The following INTS12 variants were observed in gnomAD, a reference collection of about 807,000 sequenced individuals.
INTS12 encodes the protein integrator complex subunit 12.
INTS12 carries 13 observed loss-of-function variants against 41.6 expected under a neutral mutation model. That is an observed-to-expected ratio of 0.31 (90% CI 0.20 to 0.50). The LOEUF (loss-of-function observed/expected upper bound fraction) is 0.50. INTS12 is among the 20% of genes least tolerant of loss of function. The pLI is 0.98. For synonymous variants in INTS12, 199 were observed against 191.4 expected (o/e 1.04, Z -0.33); for missense variants, 432 against 541.6 (o/e 0.80, Z 2.01).
Position 105,682,714 on chromosome 4 carries a change from A to G in INTS12, c.*19T>C. 2 of 1,595,184 alleles carry G rather than the reference A, an allele frequency of 1.3e-6. No individual in the cohort carries two copies. Among genetic ancestry groups the G allele is most frequent in the Non-Finnish European group, 1.7e-6 (2 of 1,164,252 alleles). ...TTTCATCTTTAGGCTAATATGATAC[A>G]AAAACCTACTTGGCCACATTACTTC... On this transcript the variant is annotated 3_prime_UTR_variant, in exon 8 of 8. Coordinates refer to ENST00000340139, the MANE Select transcript of INTS12 (RefSeq NM_020395.4).
intron 3 of INTS12, among the ~76,000 whole-genome samples, chr4:105,697,991 A>C (rs748564001): frequency 3.7e-4 from 57 of 152,216 alleles, no homozygotes; most frequent in Non-Finnish European, 3.8e-4. Context: ...GAGAGAGCGC[A>C]GTGAGCCAAG....
At chr4:105,686,424 T>C (rs188322281) in intron 7 of INTS12, among the ~76,000 whole-genome samples, 150 of 152,270 alleles carry the variant, frequency 9.9e-4, no homozygotes, top group Admixed American at 1.6e-3. Flanking sequence ...AAGACAAATA[T>C]CTAACCAGAT....
At chr4:105,693,131 C>T (rs776138720) in intron 5 of INTS12, among the ~76,000 whole-genome samples, 168 bp downstream of exon 5, 1 of 152,158 alleles carries the variant, frequency 6.6e-6, no homozygotes, top group Non-Finnish European at 1.5e-5. Context: ...TTTCAATATG[C>T]TAAATTGTTA....
At chr4:105,708,059 A>C in intron 1 of INTS12, 3 of 985,430 alleles carry the variant, frequency 3.0e-6, no homozygotes, top group Non-Finnish European at 3.6e-6. Context: ...ATGACTTCGC[A>C]AGCTCTTGCA....
intron 7 of INTS12, among the ~76,000 whole-genome samples, chr4:105,683,705 T>C (rs1264906039): frequency 1.3e-5 from 2 of 152,114 alleles, no homozygotes; most frequent in African/African-American, 4.8e-5. Flanking sequence ...TAACTAGGGA[T>C]CATTTCAAAA....
In INTS12 at chr4:105,682,724, T is replaced by C; in HGVS notation, c.*9A>G. On this transcript the variant is annotated 3_prime_UTR_variant, in exon 8 of 8. Coordinates refer to ENST00000340139, the MANE Select transcript of INTS12 (RefSeq NM_020395.4). ...AGGCTAATATGATACAAAAACCTAC[T>C]TGGCCACATTACTTCTTGAGTTTCT... The C allele has an allele frequency of 3.1e-6, 5 of 1,607,718 alleles. No individual in the cohort carries two copies. The Admixed American group carries it at 6.7e-5, about 22-fold the overall frequency.
At chr4:105,696,619 T>C (rs1039651831) in intron 3 of INTS12, among the ~76,000 whole-genome samples, 4 of 152,192 alleles carry the variant, frequency 2.6e-5, no homozygotes, top group Non-Finnish European at 5.9e-5. Flanking sequence ...TTGATGGATA[T>C]TTGGGTTGTC....
intron 6 of INTS12, among the ~76,000 whole-genome samples, chr4:105,688,657 C>G (rs1731575756): frequency 6.6e-6 from 1 of 152,162 alleles, no homozygotes; most frequent in South Asian, 2.1e-4. Context: ...ACATATGGCT[C>G]CAAAACCATG....
At chr4:105,695,714 C>G in intron 3 of INTS12, 46 bp from the exon 4 acceptor site, 1 of 1,436,138 alleles carries the variant, frequency 7.0e-7, no homozygotes, top group South Asian at 1.3e-5. Context: ...TTAGACTGAT[C>G]ATCATAAAAA....
In INTS12 at chr4:105,707,059, C is replaced by A. The variant is rs544835642; in HGVS notation, c.-172+1579G>T. 3.3e-5 allele frequency among the ~76,000 whole-genome samples: 5 copies of A among 152,238 alleles called. No homozygotes were observed. The South Asian group carries it at 8.3e-4, about 25-fold the overall frequency. On this transcript the variant is annotated intron_variant, in intron 1 of 7. Coordinates refer to ENST00000340139, the MANE Select transcript of INTS12 (RefSeq NM_020395.4). ...GCATTTAAGAAGATTCAGTAACTGG[C>A]ACAAAAATTATCATTCATCATCCCC... is the stretch of plus-strand genomic sequence containing the variant.
chr4:105,697,645 G>T (rs369141401), intron 3 of INTS12, among the ~76,000 whole-genome samples: 2 of 152,108 alleles, frequency 1.3e-5, no homozygotes, highest in African/African-American at 4.8e-5. Flanking sequence ...GAGACCATCT[G>T]GCACACAAAA....
At chr4:105,687,850 G>A (rs1731549766) in intron 6 of INTS12, among the ~76,000 whole-genome samples, 1 of 152,152 alleles carries the variant, frequency 6.6e-6, no homozygotes, top group Admixed American at 6.5e-5. Flanking sequence ...CTACTCAGGA[G>A]GTTGAGGCAG....
intron 1 of INTS12, chr4:105,707,863 G>T: frequency 1.6e-6 from 1 of 627,236 alleles, no homozygotes; most frequent in Non-Finnish European, 2.0e-6. Context: ...TCTAAATTGG[G>T]CATTCATATA....
intron 3 of INTS12, among the ~76,000 whole-genome samples, chr4:105,696,268 T>C (rs562711526): frequency 2.0e-5 from 3 of 152,202 alleles, no homozygotes; most frequent in Admixed American, 2.0e-4. Flanking sequence ...AATTTCCTTG[T>C]GGCCCTTTGT....
At position 105,682,815 on chromosome 4, in the gene INTS12, G is replaced by T; in HGVS notation, c.1307C>A (p.Thr436Asn). 6.2e-7 allele frequency: 1 copy of T among 1,614,110 alleles called. No individual in the cohort carries two copies. Among genetic ancestry groups the T allele is most frequent in the Non-Finnish European group, 8.5e-7 (1 of 1,179,962 alleles). ...AGCATTGAGCTGTGATTCTTGTGAA[G>T]TTGGGCCTTTAAGGGATGCTGAGGG... ...SSPSASLKGP[T>N]SQESQLNAMK... Residue 436 changes from threonine to asparagine, a missense_variant, in exon 8 of 8, where the codon ACT (threonine) becomes AAT (asparagine). Coordinates refer to ENST00000340139, the MANE Select transcript of INTS12 (RefSeq NM_020395.4).
intron 2 of INTS12, chr4:105,703,071 T>C (rs1384456264): frequency 1.1e-6 from 1 of 946,112 alleles, no homozygotes; most frequent in East Asian, 1.2e-4. Context: ...ATCATGTTAC[T>C]TCTATACAAT....
chr4:105,694,372 C>A (rs887691465), intron 4 of INTS12, among the ~76,000 whole-genome samples: 5 of 152,184 alleles, frequency 3.3e-5, no homozygotes, highest in Admixed American at 3.3e-4. Flanking sequence ...GTTGCCCAGG[C>A]TGGAGTGCAG....
At chr4:105,684,887 C>T (rs1731449806) in intron 7 of INTS12, among the ~76,000 whole-genome samples, 1 of 152,058 alleles carries the variant, frequency 6.6e-6, no homozygotes, top group Non-Finnish European at 1.5e-5. Context: ...AAGACCAACA[C>T]TTAGGAAGTA....
intron 1 of INTS12, among the ~76,000 whole-genome samples, chr4:105,707,500 A>G (rs140052930): frequency 6.6e-6 from 1 of 152,122 alleles, no homozygotes; most frequent in Admixed American, 6.5e-5. Flanking sequence ...CCTTCTACAC[A>G]ATTGTAGCCA....
Sources: gnomAD v4.1 joint callset for allele counts (sites outside exome capture counted in the v4.1 genomes callset) on GRCh38, gnomAD v4.1.1 for gene constraint, MANE v1.5 for transcripts, NCBI Gene and HGNC (gene_info 2026-07-23, HGNC 2026-07-21) for gene names.